The following CNOT6L variants were observed in gnomAD, a reference collection of about 807,000 sequenced individuals.
The protein encoded by CNOT6L is CCR4-NOT transcription complex subunit 6-like.
In CNOT6L, 7 loss-of-function variants were observed where a neutral mutation model predicts 64.0. That is an observed-to-expected ratio of 0.11 (90% CI 0.06 to 0.21). The LOEUF (loss-of-function observed/expected upper bound fraction) is 0.21, where lower values mean the gene tolerates loss of function less well. CNOT6L is among the 10% of genes least tolerant of loss of function. The probability of loss-of-function intolerance (pLI) is 1.00; values close to 1 mark genes in which losing one functional copy is unlikely to be tolerated. For missense variants in CNOT6L, 245 were observed against 669.0 expected (o/e 0.37, Z 6.99); for synonymous variants, 193 against 243.4 (o/e 0.79, Z 1.93).
At chr4:77,775,226 C>G (rs1486952529) in intron 2 of CNOT6L, among the ~76,000 whole-genome samples, 2 of 152,174 alleles carry the variant, frequency 1.3e-5, no homozygotes, top group African/African-American at 4.8e-5. Context: ...TGCTCATATT[C>G]ATTCTTTTGA....
intron 1 of CNOT6L, among the ~76,000 whole-genome samples, chr4:77,795,805 CTA>C (rs1395540845): frequency 6.6e-6 from 1 of 152,094 alleles, no homozygotes; most frequent in African/African-American, 2.4e-5. Flanking sequence ...ACACTGGAAA[CTA>C]TAACACATTA....
chr4:77,786,893 A>T (rs1165415573), intron 1 of CNOT6L, among the ~76,000 whole-genome samples: 1 of 152,256 alleles, frequency 6.6e-6, no homozygotes, highest in East Asian at 1.9e-4. Context: ...AGAAAGCTTC[A>T]AAAATCTGCT....
chr4:77,768,468 T>TAA (rs1318547733), intron 4 of CNOT6L, among the ~76,000 whole-genome samples: 7 of 13,364 alleles, frequency 5.2e-4, no homozygotes, highest in African/African-American at 1.3e-3. Flanking sequence ...CTGTCTAAAA[T>TAA]AAATAAATAT....
At chr4:77,723,763 C>T (rs768793816) in intron 11 of CNOT6L, among the ~76,000 whole-genome samples, 1 of 152,160 alleles carries the variant, frequency 6.6e-6, no homozygotes, top group Non-Finnish European at 1.5e-5. Context: ...CTGAGCCAGG[C>T]ATTTCTAGTT....
intron 1 of CNOT6L, among the ~76,000 whole-genome samples, chr4:77,797,583 T>TAGTG (rs1427090296): frequency 6.6e-6 from 1 of 151,946 alleles, no homozygotes; most frequent in Non-Finnish European, 1.5e-5. Context: ...AGCACAAGAG[T>TAGTG]AGTGATGCTG....
chr4:77,726,497 C>T (rs1201623857), intron 10 of CNOT6L, 128 bp from the exon 11 acceptor site: 1 of 621,032 alleles, frequency 1.6e-6, no homozygotes, highest in African/African-American at 1.8e-5. Context: ...CCATATAAAA[C>T]TGCCTTTTGT....
intron 1 of CNOT6L, among the ~76,000 whole-genome samples, chr4:77,789,771 C>T (rs1729903299): frequency 6.6e-6 from 1 of 151,632 alleles, no homozygotes; most frequent in Non-Finnish European, 1.5e-5. Flanking sequence ...GGCAACATGG[C>T]AAAACCCTGT....
chr4:77,730,006 C>T (rs1722267222), intron 9 of CNOT6L, among the ~76,000 whole-genome samples: 1 of 152,060 alleles, frequency 6.6e-6, no homozygotes, highest in Non-Finnish European at 1.5e-5. Flanking sequence ...GGATCTCTCA[C>T]TTTTTACTTT....
At chr4:77,765,680 T>C (rs1577962392) in intron 4 of CNOT6L, among the ~76,000 whole-genome samples, 1 of 152,214 alleles carries the variant, frequency 6.6e-6, no homozygotes, top group Admixed American at 6.5e-5. Context: ...CAGTCTACTA[T>C]GGGCCTTGTG....
At chr4:77,737,553 T>C (rs1723111397) in intron 8 of CNOT6L, among the ~76,000 whole-genome samples, 1 of 151,694 alleles carries the variant, frequency 6.6e-6, no homozygotes, top group South Asian at 2.1e-4. Context: ...CCCGAGTAGC[T>C]GGGATTACAG....
chr4:77,721,155 G>A (rs1721230532), intron 11 of CNOT6L, among the ~76,000 whole-genome samples: 2 of 152,104 alleles, frequency 1.3e-5, no homozygotes, highest in African/African-American at 4.8e-5. Flanking sequence ...TCCCAGATTT[G>A]CTACATACAT....
chr4:77,776,288 G>A lies in CNOT6L; in HGVS notation c.110C>T (p.Ala37Val). Residue 37 changes from alanine (A) to valine (V), a missense_variant, in exon 2 of 12, where the codon GCA becomes GTA. Coordinates refer to ENST00000504123, the MANE Select transcript of CNOT6L (RefSeq NM_144571.3). ...EVANGKKSHW[A>V]ELEISGRVRS... ...CCACTCACCCGAGATTTCTAATTCT[G>A]CCCAGTGAGATTTTTTCCCATTGGC... 1 of 1,611,106 alleles carries A rather than the reference G, an allele frequency of 6.2e-7. No individual in the cohort carries two copies. Among genetic ancestry groups the A allele is most frequent in the Non-Finnish European group, 8.5e-7 (1 of 1,179,464 alleles).
chr4:77,720,686 TATA>T, intron 11 of CNOT6L, 43 bp from the exon 12 acceptor site: 1 of 1,598,312 alleles, frequency 6.3e-7, no homozygotes, highest in Non-Finnish European at 8.6e-7. Flanking sequence ...AAATTCAAGA[TATA>T]TAAAGAACAA....
chr4:77,772,786 G>A (rs1352527859), intron 4 of CNOT6L, among the ~76,000 whole-genome samples: 2 of 152,102 alleles, frequency 1.3e-5, no homozygotes, highest in Non-Finnish European at 2.9e-5. Flanking sequence ...AGCCGGGCAT[G>A]GTGGCGAGCG....
intron 4 of CNOT6L, among the ~76,000 whole-genome samples, chr4:77,765,738 G>A (rs1430309986): frequency 6.6e-6 from 1 of 152,158 alleles, no homozygotes; most frequent in Admixed American, 6.5e-5. Context: ...AGGGTTATCT[G>A]TCTCTTGATA....
chr4:77,801,202 C>T (rs1004968060), intron 1 of CNOT6L, among the ~76,000 whole-genome samples: 13 of 152,114 alleles, frequency 8.5e-5, no homozygotes, highest in African/African-American at 3.1e-4. Context: ...AAGTAGACAC[C>T]CAGATTTTGC....
At chr4:77,801,356 C>T (rs1308428361) in intron 1 of CNOT6L, among the ~76,000 whole-genome samples, 1 of 152,190 alleles carries the variant, frequency 6.6e-6, no homozygotes, top group Non-Finnish European at 1.5e-5. Context: ...CAATCCTGCA[C>T]TCACAACGCC....
chr4:77,720,745 T>G (rs1421102216), intron 11 of CNOT6L, 102 bp from the exon 12 acceptor site: 1 of 1,142,522 alleles, frequency 8.8e-7, no homozygotes, highest in Non-Finnish European at 1.3e-6. Flanking sequence ...TTTCTTCTGG[T>G]ACCTGTTGTC....
intron 1 of CNOT6L, among the ~76,000 whole-genome samples, chr4:77,799,932 C>T (rs921125670): frequency 6.6e-6 from 1 of 151,794 alleles, no homozygotes; most frequent in African/African-American, 2.4e-5. Context: ...TTTCCTTTTC[C>T]TACCTTCCAA....
Sources: allele counts gnomAD v4.1 joint callset (sites outside exome capture counted in the v4.1 genomes callset), GRCh38; gene constraint gnomAD v4.1.1; transcripts MANE v1.5; gene names NCBI Gene and HGNC (gene_info 2026-07-23, HGNC 2026-07-21).